The following PIEZO2 variants were observed in gnomAD, a reference collection of about 807,000 sequenced individuals.
The protein encoded by PIEZO2 is piezo-type mechanosensitive ion channel component 2.
A neutral mutation model predicts 337.3 loss-of-function variants in PIEZO2; 172 were observed. The observed-to-expected ratio is 0.51, with a 90% CI of 0.45 to 0.58. The LOEUF (loss-of-function observed/expected upper bound fraction) is 0.58, where lower values mean the gene tolerates loss of function less well. Ranked by LOEUF, PIEZO2 falls within the 20% of genes least tolerant of loss-of-function variation. The pLI, the probability that PIEZO2 is intolerant of heterozygous loss-of-function variation, is 0.00. For synonymous variants in PIEZO2, 1,251 were observed against 1,228.5 expected, an observed-to-expected ratio of 1.02 and a Z score of -0.38; for missense variants, 3,028 against 3,391.3, an observed-to-expected ratio of 0.89 and a Z score of 2.66.
chr18:10,767,138 G>A lies in PIEZO2; in HGVS notation c.2946+3010C>T, dbSNP rs535309045. Among the ~76,000 whole-genome samples the A allele has an allele frequency of 1.1e-3, 172 of 151,938 alleles. No homozygotes were observed. Among genetic ancestry groups the A allele is most frequent in the African/African-American group, 3.7e-3 (153 of 41,406 alleles). ...CTCACAGAGCTGTCCAATAGCCTTC[G>A]GAATTAGAAAGTAGCTGTGTATTTC... is the stretch of plus-strand genomic sequence containing the variant. On this transcript the variant is annotated intron_variant, in intron 21 of 55. Coordinates refer to ENST00000674853, the MANE Select transcript of PIEZO2 (RefSeq NM_001378183.1). This position sits in a 1 kb window ranked among gnomAD's most constrained non-coding sequence, Gnocchi z 4.2.
intron 27 of PIEZO2, among the ~76,000 whole-genome samples, chr18:10,757,021 G>A (rs913875815): frequency 1.6e-4 from 12 of 76,002 alleles, no homozygotes; most frequent in African/African-American, 1.2e-3. Flanking sequence ...AAGAAATGGA[G>A]GATAAGGAGG....
chr18:10,998,688 A>G (rs1290702750), intron 2 of PIEZO2, among the ~76,000 whole-genome samples: 2 of 152,086 alleles, frequency 1.3e-5, no homozygotes, highest in East Asian at 3.9e-4. Flanking sequence ...ATACCAAACT[A>G]TACACTTATA....
intron 7 of PIEZO2, among the ~76,000 whole-genome samples, chr18:10,844,498 G>A (rs953346296): frequency 6.7e-6 from 1 of 149,066 alleles, no homozygotes; most frequent in African/African-American, 2.5e-5. Context: ...AAAAATAACA[G>A]TACCTACTGG....
chr18:11,040,427 C>G (rs987668400), intron 2 of PIEZO2, among the ~76,000 whole-genome samples: 13 of 152,060 alleles, frequency 8.5e-5, no homozygotes, highest in African/African-American at 2.9e-4. Context: ...AGAACATAAT[C>G]AGGGTTTTAA....
intron 2 of PIEZO2, among the ~76,000 whole-genome samples, chr18:11,000,550 G>A (rs376692592): frequency 6.6e-6 from 1 of 152,122 alleles, no homozygotes; most frequent in South Asian, 2.1e-4. Flanking sequence ...ATCACCAGTC[G>A]CCACTCCTTT....
In PIEZO2 at chr18:10,704,566, T is replaced by C; in HGVS notation, c.6086A>G (p.Asn2029Ser). The C allele has an allele frequency of 6.5e-7, 1 of 1,537,282 alleles. No homozygotes were observed. Among genetic ancestry groups the C allele is most frequent in the Non-Finnish European group, 8.7e-7 (1 of 1,146,906 alleles). The change falls in exon 42 of 56, where the codon AAT (asparagine) becomes AGT (serine). Residue 2029 changes from asparagine to serine, a missense_variant. Transcript: ENST00000674853. ...RFLLLFYAMY[N>S]TLVARSEMVC... ...CATCTCCGAGCGGGCCACCAGGGTA[T>C]TGTACATGGCATAGAAGAGCAGCAG... is the stretch of plus-strand genomic sequence containing the variant.
chr18:10,703,103 C>A (rs60193442), intron 42 of PIEZO2, among the ~76,000 whole-genome samples: 1 of 152,164 alleles, frequency 6.6e-6, no homozygotes, highest in East Asian at 1.9e-4. Context: ...ATCCTCCTGC[C>A]TTGGCCTCTT....
intron 3 of PIEZO2, among the ~76,000 whole-genome samples, chr18:10,934,654 T>TGTGC (rs1161262319): frequency 2.0e-5 from 3 of 150,638 alleles, no homozygotes; most frequent in Admixed American, 6.6e-5. Context: ...TGTGTGTGTG[T>TGTGC]GTGTGTGTGT....
Position 10,813,117 on chromosome 18 carries a change from T to G in PIEZO2, c.918-5843A>C, listed in dbSNP as rs1396135768. Among the ~76,000 whole-genome samples the G allele has an allele frequency of 6.6e-6, 1 of 151,880 alleles. No homozygotes were observed. The highest frequency in any genetic ancestry group is 1.9e-4 in the East Asian group (1 of 5,138). The stretch of plus-strand genomic sequence containing the variant: ...GCCTCAGCCTCCGGAGTATCTAGGA[T>G]TACAGGCACGCGCCACCACGCTCAG... On this transcript the variant is annotated intron_variant, in intron 7 of 55. Coordinates refer to ENST00000674853, the MANE Select transcript of PIEZO2 (RefSeq NM_001378183.1). The surrounding 1 kb of genome is among the most constrained non-coding windows in gnomAD (Gnocchi z 4.2).
rs989918050 is a variant in PIEZO2 at position 10,973,659 on chromosome 18, C to G, written c.286+5876G>C. On this transcript the variant is annotated intron_variant, in intron 3 of 55. Transcript: ENST00000674853. The surrounding 1 kb of genome is among the most constrained non-coding windows in gnomAD (Gnocchi z 4.9). ...AACATCTGCTTTCAGGAAGCTGGCC[C>G]GAGGAGAGAAGAAGGCTGTGTGTTG... 3.9e-5 allele frequency among the ~76,000 whole-genome samples: 6 copies of G among 151,992 alleles called. No homozygotes were observed. The highest frequency in any genetic ancestry group is 1.4e-4 in the African/African-American group (6 of 41,388).
rs1002776890 is a variant in PIEZO2 at position 10,850,148 on chromosome 18, G to A, written c.917+5205C>T. ...GCCACACCTGTGTGCATAAACGGAAGGGAATCACTAATTCTCACCCTCTCC... is the reference window on the plus strand; with the variant it reads ...GCCACACCTGTGTGCATAAACGGAAAGGAATCACTAATTCTCACCCTCTCC... On this transcript the variant is annotated intron_variant, in intron 7 of 55. Transcript: ENST00000674853. This position sits in a 1 kb window ranked among gnomAD's most constrained non-coding sequence, Gnocchi z 4.5. Among the ~76,000 whole-genome samples, 1 of 152,140 alleles carries A rather than the reference G, an allele frequency of 6.6e-6. No individual in the cohort carries two copies. Among genetic ancestry groups the A allele is most frequent in the Non-Finnish European group, 1.5e-5 (1 of 68,034 alleles).
Position 10,871,324 on chromosome 18 carries a change from T to C in PIEZO2, c.421A>G (p.Arg141Gly). Residue 141 changes from arginine (R) to glycine (G), a missense_variant, in exon 5 of 56, where the codon AGA becomes GGA. Physicochemically the swap from Arg to Gly is moderately radical, Grantham distance 125 (BLOSUM62 -2). Coordinates refer to ENST00000674853, the MANE Select transcript of PIEZO2 (RefSeq NM_001378183.1). ...GTCACAGGTTTCTGAACAATGTTTC[T>C]ACAGAGGAGCCAGATGGTCAGACTA... ...IASLTIWLLC[R>G]NIVQKPVTDE... The C allele has an allele frequency of 6.5e-7, 1 of 1,537,312 alleles. No individual in the cohort carries two copies.
intron 3 of PIEZO2, among the ~76,000 whole-genome samples, chr18:10,917,232 G>T (rs1935256735): frequency 6.6e-6 from 1 of 152,112 alleles, no homozygotes; most frequent in African/African-American, 2.4e-5. Context: ...TAAAACCACA[G>T]GGCTTTGCTT....
At position 11,038,931 on chromosome 18, in the gene PIEZO2, G is replaced by T. The variant is rs1336500820; in HGVS notation, c.160+27196C>A. ...TAAGAATCATGATTTTGAAACCACT[G>T]TAGCTTTGACTAGACATAGGTGGAT... On this transcript the variant is annotated intron_variant, in intron 2 of 55. Coordinates refer to ENST00000674853, the MANE Select transcript of PIEZO2 (RefSeq NM_001378183.1). This position sits in a 1 kb window ranked among gnomAD's most constrained non-coding sequence, Gnocchi z 4.1. 6.6e-6 allele frequency among the ~76,000 whole-genome samples: 1 copy of T among 152,154 alleles called. No homozygotes were observed. The highest frequency in any genetic ancestry group is 1.9e-4 in the East Asian group (1 of 5,196).
At position 10,672,775 on chromosome 18, in the gene PIEZO2, A is replaced by G. The variant is rs753719142; in HGVS notation, c.8260T>C (p.Tyr2754His). Reference protein sequence around the residue: ...WVLNLTGNRIYNPNSQALELV... With the variant: ...WVLNLTGNRIHNPNSQALELV... ...TCCAGGGCCTGAGAGTTCGGATTGT[A>G]TATTCTGTTTCCAGTCAGGTTGAGA... is the stretch of plus-strand genomic sequence containing the variant. Residue 2754 changes from tyrosine to histidine, a missense_variant, in exon 55 of 56, where the codon TAC becomes CAC. Around this residue, in one of 5 missense-constraint regions of PIEZO2, gnomAD observed 332 missense variants for 363.8 expected, o/e 0.91. Coordinates refer to ENST00000674853, the MANE Select transcript of PIEZO2 (RefSeq NM_001378183.1). The surrounding 1 kb of genome is among the most constrained non-coding windows in gnomAD (Gnocchi z 4.7). 9 of 1,613,952 alleles carry G rather than the reference A, an allele frequency of 5.6e-6. No homozygotes were observed. The highest frequency in any genetic ancestry group is 2.2e-5 in the South Asian group (2 of 91,076).
intron 4 of PIEZO2, among the ~76,000 whole-genome samples, chr18:10,890,971 A>T (rs953357030): frequency 6.6e-6 from 1 of 152,230 alleles, no homozygotes; most frequent in Admixed American, 6.5e-5. Flanking sequence ...TCTCCTTGCA[A>T]GTGGTAAGAG....
intron 47 of PIEZO2, among the ~76,000 whole-genome samples, chr18:10,692,051 T>C (rs4260118): frequency 0.33 from 50,339 of 151,264 alleles, 9,998 homozygotes; most frequent in African/African-American, 0.52. Context: ...CATGACCTGA[T>C]GTTTATTTAT....
chr18:10,714,343 A>C (rs28690411), intron 39 of PIEZO2, among the ~76,000 whole-genome samples: 16,349 of 152,194 alleles, frequency 0.11, 1,617 homozygotes, highest in African/African-American at 0.24. Flanking sequence ...TTATCATAAA[A>C]CTTAAGGTAA....
In PIEZO2 at chr18:10,856,202, AACTCCTT is replaced by A. The variant is rs2041700840; in HGVS notation, c.704-643_704-637del. 6.6e-6 allele frequency among the ~76,000 whole-genome samples: 1 copy of A among 152,114 alleles called. No homozygotes were observed. Among genetic ancestry groups the A allele is most frequent in the Non-Finnish European group, 1.5e-5 (1 of 68,000 alleles). ...GCATGAGCCACTGCTCCTGGCCAAT[AACTCCTT>A]TAAAAGTGTTTTTAAGGAATCATAA... On this transcript the variant is annotated intron_variant, in intron 6 of 55. Transcript: ENST00000674853. This position sits in a 1 kb window ranked among gnomAD's most constrained non-coding sequence, Gnocchi z 4.7.
Sources: allele counts gnomAD v4.1 joint callset (sites outside exome capture counted in the v4.1 genomes callset), GRCh38; gene constraint gnomAD v4.1.1; regional missense constraint gnomAD v4.1.1; non-coding constraint Gnocchi (gnomAD v3.1); transcripts MANE v1.5; gene names NCBI Gene and HGNC (gene_info 2026-07-23, HGNC 2026-07-21).